The following FAM8A1 variants were observed in gnomAD, a reference collection of about 807,000 sequenced individuals.
FAM8A1 encodes the protein protein FAM8A1.
In FAM8A1, 18 loss-of-function variants were observed where a neutral mutation model predicts 38.3. That is an observed-to-expected ratio of 0.47 (90% CI 0.33 to 0.70). The LOEUF (loss-of-function observed/expected upper bound fraction) is 0.70. Ranked by LOEUF, FAM8A1 falls within the 30% of genes least tolerant of loss-of-function variation. The probability of loss-of-function intolerance (pLI) is 0.03; values close to 1 mark genes in which losing one functional copy is unlikely to be tolerated. For missense variants in FAM8A1, 559 were observed against 559.6 expected, an observed-to-expected ratio of 1.00 and a Z score of 0.01; for synonymous variants, 246 against 234.4, an observed-to-expected ratio of 1.05 and a Z score of -0.45.
intron 1 of FAM8A1, 146 bp from the exon 2 acceptor site, chr6:17,602,444 C>T: frequency 1.4e-6 from 1 of 707,646 alleles, no homozygotes; most frequent in Non-Finnish European, 2.2e-6. Context: ...TTGGTGGAAT[C>T]AATATCAATA....
At chr6:17,607,786 G>T (rs1764077570) in intron 4 of FAM8A1, among the ~76,000 whole-genome samples, 1 of 152,144 alleles carries the variant, frequency 6.6e-6, no homozygotes, top group Non-Finnish European at 1.5e-5. Flanking sequence ...GCTGATTAAA[G>T]AACACACAGT....
Position 17,601,082 on chromosome 6 carries a change from GCC to G in FAM8A1, c.676_677del (p.Pro226PhefsTer56). 1 of 1,598,904 alleles carries G rather than the reference GCC, an allele frequency of 6.3e-7. No individual in the cohort carries two copies. Among genetic ancestry groups the G allele is most frequent in the Non-Finnish European group, 8.5e-7 (1 of 1,175,336 alleles). On this transcript the variant is annotated frameshift_variant, in exon 1 of 5. Coordinates refer to ENST00000259963, the MANE Select transcript of FAM8A1 (RefSeq NM_016255.3). LOFTEE classifies it high-confidence loss of function. ...ATPVTRVGSA[A>X]PSRSPSETGR... ...TCCAGTGACGAGGGTAGGATCCGCA[GCC>G]CCTTCGCGAAGCCCGAGCGAGACCG... is the stretch of plus-strand genomic sequence containing the variant.
At chr6:17,603,530 A>G (rs1351783133) in intron 2 of FAM8A1, among the ~76,000 whole-genome samples, 1 of 151,976 alleles carries the variant, frequency 6.6e-6, no homozygotes, top group African/African-American at 2.4e-5. Context: ...CAACTCCTTT[A>G]TGTTCAATTT....
At position 17,604,928 on chromosome 6, in the gene FAM8A1, C is replaced by G. The variant is rs1484047923; in HGVS notation, c.856C>G (p.His286Asp). Residue 286 changes from histidine (H) to aspartate (D), a missense_variant, in exon 3 of 5, where the codon CAT (histidine) becomes GAT (aspartate). His to Asp is a moderately conservative substitution (Grantham distance 81). Around this residue, in one of 2 missense-constraint regions of FAM8A1, gnomAD observed 166 missense variants for 220.8 expected, o/e 0.75. Coordinates refer to ENST00000259963, the MANE Select transcript of FAM8A1 (RefSeq NM_016255.3). ...TAGGGATATCTCTAAGTTTGCTATGCATTATATAATAGAAGAAATAGATGA... is the reference window on the plus strand; with the variant it reads ...TAGGGATATCTCTAAGTTTGCTATGGATTATATAATAGAAGAAATAGATGA... ...GIKDISKFAM[H>D]YIIEEIDEDT... is the part of the protein sequence containing the mutation. 6.3e-7 allele frequency: 1 copy of G among 1,597,228 alleles called. No homozygotes were observed. The highest frequency in any genetic ancestry group is 8.5e-7 in the Non-Finnish European group (1 of 1,170,258).
intron 2 of FAM8A1, among the ~76,000 whole-genome samples, chr6:17,604,525 T>G (rs1764027193): frequency 6.6e-6 from 1 of 152,200 alleles, no homozygotes; most frequent in Admixed American, 6.5e-5. Flanking sequence ...CTGTCTTTTC[T>G]GGGAAACCTT....
Position 17,611,626 on chromosome 6 carries a change from C to T in FAM8A1, c.*3287C>T, listed in dbSNP as rs1308078117. On this transcript the variant is annotated 3_prime_UTR_variant, in exon 5 of 5. Transcript: ENST00000259963. The stretch of plus-strand genomic sequence containing the variant: ...TAACCTGTAAACAGTATCTGATGGC[C>T]CACCTATAAATAAAATTCAGCATTC... 6.6e-6 allele frequency: 1 copy of T among 152,248 alleles called. No homozygotes were observed. Among genetic ancestry groups the T allele is most frequent in the Non-Finnish European group, 1.5e-5 (1 of 67,986 alleles). 9.4% of individuals were successfully genotyped at this position (152,248 alleles called of 1,614,324 possible).
At position 17,611,653 on chromosome 6, in the gene FAM8A1, A is replaced by G. The variant is rs1385980257; in HGVS notation, c.*3314A>G. On this transcript the variant is annotated 3_prime_UTR_variant, in exon 5 of 5. Transcript: ENST00000259963. ...ACCTATAAATAAAATTCAGCATTCT[A>G]TTTTTAATAATTTGTATGCCACCAA... 2 of 152,268 alleles carry G rather than the reference A, an allele frequency of 1.3e-5. No homozygotes were observed. The highest frequency in any genetic ancestry group is 3.8e-4 in the East Asian group (2 of 5,196). The allele number at this position is 152,268 out of a possible 1,614,324, so 9.4% of individuals were successfully genotyped here. A position where few individuals can be genotyped will look rare whatever the true frequency, so the allele number is the denominator to read the frequency against.
rs1969598 is a variant in FAM8A1, at chr6:17,600,856, G to A, written c.447G>A (p.Gln149=). 1 of 1,609,244 alleles carries A rather than the reference G, an allele frequency of 6.2e-7. No homozygotes were observed. Among genetic ancestry groups the A allele is most frequent in the Non-Finnish European group, 8.5e-7 (1 of 1,179,436 alleles). ...ACTGCAGCCCCCAGCCCTCCCCGCA[G>A]AGCTTCCCTTCGGGCGGCGCTGCAG... ...PAYCSPQPSP[Q]SFPSGGAAVP... Residue 149 remains glutamine (Q), a synonymous_variant, in exon 1 of 5, where the codon CAG becomes CAA. Transcript: ENST00000259963.
At chr6:17,604,091 T>C (rs982172216) in intron 2 of FAM8A1, among the ~76,000 whole-genome samples, 1 of 151,992 alleles carries the variant, frequency 6.6e-6, no homozygotes, top group East Asian at 1.9e-4. Flanking sequence ...ATGTTTATTG[T>C]TTTTTTAGAG....
chr6:17,609,985 C>A lies in FAM8A1; in HGVS notation c.*1646C>A, dbSNP rs1172910751. 2.0e-5 allele frequency: 3 copies of A among 152,120 alleles called. No homozygotes were observed. The highest frequency in any genetic ancestry group is 4.4e-5 in the Non-Finnish European group (3 of 68,000). The allele number at this position is 152,120 out of a possible 1,614,324, so 9.4% of individuals were successfully genotyped here. A position where few individuals can be genotyped will look rare whatever the true frequency, so the allele number is the denominator to read the frequency against. On this transcript the variant is annotated 3_prime_UTR_variant, in exon 5 of 5. Coordinates refer to ENST00000259963, the MANE Select transcript of FAM8A1 (RefSeq NM_016255.3). ...AATAAGTTTATGTCAAATCCAGCTT[C>A]CCAGAAACACTAATAATTAAGTACA...
At chr6:17,601,749 A>G (rs1484066379) in intron 1 of FAM8A1, among the ~76,000 whole-genome samples, 2 of 152,178 alleles carry the variant, frequency 1.3e-5, no homozygotes, top group Admixed American at 1.3e-4. Context: ...GATAGATGGG[A>G]CAAGAACTAG....
Position 17,602,694 on chromosome 6 carries a change from C to A in FAM8A1, c.817C>A (p.His273Asn). 1 of 1,610,600 alleles carries A rather than the reference C, an allele frequency of 6.2e-7. No homozygotes were observed. Among genetic ancestry groups the A allele is most frequent in the Non-Finnish European group, 8.5e-7 (1 of 1,179,158 alleles). ...AGCAACCATTGTCTTAAGCATTATG[C>A]ACCTCAGTGGGATAAAGTAAGTTGA... Reference protein sequence around the residue: ...IKATIVLSIMHLSGIKDISKF... With the variant: ...IKATIVLSIMNLSGIKDISKF... Residue 273 changes from histidine to asparagine, a missense_variant, in exon 2 of 5, where the codon CAC becomes AAC. Coordinates refer to ENST00000259963, the MANE Select transcript of FAM8A1 (RefSeq NM_016255.3).
rs1226028902 is a variant in FAM8A1, at chr6:17,600,823, C to T, written c.414C>T (p.Phe138=). The part of the protein sequence containing the change: ...YLTWHSGLAA[F]PAYCSPQPSP... ...CCTGGCACAGCGGCCTGGCCGCCTTCCCAGCCTACTGCAGCCCCCAGCCCT... is the reference window on the plus strand; with the variant it reads ...CCTGGCACAGCGGCCTGGCCGCCTTTCCAGCCTACTGCAGCCCCCAGCCCT... The change falls in exon 1 of 5, where the codon TTC becomes TTT. Residue 138 remains phenylalanine, a synonymous_variant. Transcript: ENST00000259963. 3.7e-6 allele frequency: 6 copies of T among 1,610,756 alleles called. No individual in the cohort carries two copies. In the African/African-American group the frequency reaches 8.0e-5, roughly 22 times the overall value.
chr6:17,609,949 G>A lies in FAM8A1; in HGVS notation c.*1610G>A, dbSNP rs536514248. On this transcript the variant is annotated 3_prime_UTR_variant, in exon 5 of 5. Transcript: ENST00000259963. ...ATTTTAGTACAAAATTTCATAAACC[G>A]TGTTTTTCAAAATAAGTTTATGTCA... 2.6e-5 allele frequency: 4 copies of A among 151,930 alleles called. No homozygotes were observed. The highest frequency in any genetic ancestry group is 6.6e-5 in the Admixed American group (1 of 15,246). The allele number at this position is 151,930 out of a possible 1,614,324, so 9.4% of individuals were successfully genotyped here. A position where few individuals can be genotyped will look rare whatever the true frequency, so the allele number is the denominator to read the frequency against.
rs1208560401 is a variant in FAM8A1, at chr6:17,600,755, C to A, written c.346C>A (p.Gln116Lys). The change falls in exon 1 of 5, where the codon CAA becomes AAA. Residue 116 changes from glutamine (Q) to lysine (K), a missense_variant. Gln to Lys is a moderately conservative substitution (Grantham distance 53). Around this residue, in one of 2 missense-constraint regions of FAM8A1, gnomAD observed 393 missense variants for 338.9 expected, o/e 1.16. Transcript: ENST00000259963. ...ARLSAREYSR[Q>K]VHEWLWQSYC... ...GCTGAGCGCCCGCGAGTACTCCCGG[C>A]AAGTGCACGAGTGGCTGTGGCAGTC... 6.2e-7 allele frequency: 1 copy of A among 1,610,230 alleles called. No homozygotes were observed. The highest frequency in any genetic ancestry group is 1.3e-5 in the African/African-American group (1 of 74,730).
chr6:17,610,618 A>C lies in FAM8A1; in HGVS notation c.*2279A>C, dbSNP rs1764127632. 1 of 152,104 alleles carries C rather than the reference A, an allele frequency of 6.6e-6. No homozygotes were observed. The highest frequency in any genetic ancestry group is 2.4e-5 in the African/African-American group (1 of 41,454). The allele number at this position is 152,104 out of a possible 1,614,324, so 9.4% of individuals were successfully genotyped here. On this transcript the variant is annotated 3_prime_UTR_variant, in exon 5 of 5. Coordinates refer to ENST00000259963, the MANE Select transcript of FAM8A1 (RefSeq NM_016255.3). ...TATTTTTCTCTTGGGGTTGTAAGGTAGTCTCCTGCTTTCCAGAACACTTTA... is the reference window on the plus strand; with the variant it reads ...TATTTTTCTCTTGGGGTTGTAAGGTCGTCTCCTGCTTTCCAGAACACTTTA...
rs1290168360 is a variant in FAM8A1 at position 17,600,764 on chromosome 6, G to C, written c.355G>C (p.Glu119Gln). 1.2e-6 allele frequency: 2 copies of C among 1,611,040 alleles called. No homozygotes were observed. The highest frequency in any genetic ancestry group is 1.7e-6 in the Non-Finnish European group (2 of 1,179,674). ...CCGCGAGTACTCCCGGCAAGTGCACGAGTGGCTGTGGCAGTCCTACTGCGG... is the reference window on the plus strand; with the variant it reads ...CCGCGAGTACTCCCGGCAAGTGCACCAGTGGCTGTGGCAGTCCTACTGCGG... ...SAREYSRQVH[E>Q]WLWQSYCGYL... The change falls in exon 1 of 5, where the codon GAG becomes CAG. Residue 119 changes from glutamate (E) to glutamine (Q), a missense_variant. This residue lies in a region of FAM8A1 where 393 missense variants were observed against 338.9 expected (regional missense o/e 1.16). Coordinates refer to ENST00000259963, the MANE Select transcript of FAM8A1 (RefSeq NM_016255.3).
rs1209905591 is a variant in FAM8A1 at position 17,600,415 on chromosome 6, C to A, written c.6C>A (p.Ala2=). 1.4e-6 allele frequency: 2 copies of A among 1,419,524 alleles called. No individual in the cohort carries two copies. The highest frequency in any genetic ancestry group is 3.3e-5 in the Admixed American group (1 of 30,116). The allele number at this position is 1,419,524 out of a possible 1,614,324, so 87.9% of individuals were successfully genotyped here. ...AGGGTGCTGCTGAGGCGACGATGGC[C>A]GAGGGGCCCGAGGAAGCCCGAGGCC... is the stretch of plus-strand genomic sequence containing the variant. M[A]EGPEEARGHP... Residue 2 remains alanine, a synonymous_variant, in exon 1 of 5, where the codon GCC becomes GCA. Coordinates refer to ENST00000259963, the MANE Select transcript of FAM8A1 (RefSeq NM_016255.3).
At position 17,611,032 on chromosome 6, in the gene FAM8A1, A is replaced by G. The variant is rs1561843065; in HGVS notation, c.*2693A>G. 1 of 152,200 alleles carries G rather than the reference A, an allele frequency of 6.6e-6. No homozygotes were observed. The highest frequency in any genetic ancestry group is 1.5e-5 in the Non-Finnish European group (1 of 68,020). The allele number at this position is 152,200 out of a possible 1,614,324, so 9.4% of individuals were successfully genotyped here. On this transcript the variant is annotated 3_prime_UTR_variant, in exon 5 of 5. Coordinates refer to ENST00000259963, the MANE Select transcript of FAM8A1 (RefSeq NM_016255.3). ...AAAGCCAGCACTTTTGGAACTAATA[A>G]GCCTTCACTTGTCAGTATCATAAAG... is the stretch of plus-strand genomic sequence containing the variant.
Sources: gnomAD v4.1 joint callset for allele counts (sites outside exome capture counted in the v4.1 genomes callset) on GRCh38, gnomAD v4.1.1 for gene constraint, gnomAD v4.1.1 regional missense constraint, MANE v1.5 for transcripts, NCBI Gene and HGNC (gene_info 2026-07-23, HGNC 2026-07-21) for gene names.